Variants in SPMIP3 observed in about 807,000 individuals in gnomAD.
SPMIP3 encodes the protein sperm microtubule inner protein 3, also known as protein SPMIP3.
chr1:244,366,142 G>A, the SPMIP3 span, among the ~76,000 whole-genome samples: 2 of 152,054 alleles, frequency 1.3e-5, no homozygotes, highest in African/African-American at 4.8e-5. Flanking sequence ...TTGGCTTTGT[G>A]GCTTTGAGCA....
At chr1:244,373,335 TATA>T in the SPMIP3 span, among the ~76,000 whole-genome samples, 2 of 120,268 alleles carry the variant, frequency 1.7e-5, no homozygotes, top group East Asian at 2.6e-4. Flanking sequence ...AAAAAAATTA[TATA>T]TATATATATA....
chr1:244,381,183 G>A, the SPMIP3 span, among the ~76,000 whole-genome samples: 6 of 151,934 alleles, frequency 3.9e-5, no homozygotes, highest in East Asian at 1.2e-3. Context: ...AGAAGTTGCT[G>A]GGGGCTGAGG....
the SPMIP3 span, among the ~76,000 whole-genome samples, chr1:244,368,294 C>T: frequency 6.6e-6 from 1 of 152,182 alleles, no homozygotes; most frequent in African/African-American, 2.4e-5. Context: ...GCCTGTCTCA[C>T]CCCCTGGAAT....
chr1:244,385,824 G>A, the SPMIP3 span, among the ~76,000 whole-genome samples: 5 of 151,868 alleles, frequency 3.3e-5, no homozygotes, highest in Admixed American at 3.3e-4. Context: ...TTCTAAAATC[G>A]GTGCACAAGG....
chr1:244,379,119 G>A, the SPMIP3 span, among the ~76,000 whole-genome samples: 3 of 151,788 alleles, frequency 2.0e-5, no homozygotes, highest in Admixed American at 1.3e-4. Flanking sequence ...TAGTAGAGAC[G>A]GGGTTTCACC....
the SPMIP3 span, among the ~76,000 whole-genome samples, chr1:244,357,553 A>G: frequency 1.3e-5 from 2 of 151,908 alleles, no homozygotes; most frequent in African/African-American, 4.8e-5. Context: ...TACTAAAAAT[A>G]CAAAAATTAG....
At chr1:244,377,108 G>C in the SPMIP3 span, among the ~76,000 whole-genome samples, 1 of 148,698 alleles carries the variant, frequency 6.7e-6, no homozygotes, top group Non-Finnish European at 1.5e-5. Flanking sequence ...GCACCCAGTC[G>C]TACAGCATCA....
At chr1:244,389,416 G>T in the SPMIP3 span, 8 of 165,132 alleles carry the variant, frequency 4.8e-5, no homozygotes, top group Non-Finnish European at 9.3e-5. Flanking sequence ...GAACCGGGGG[G>T]ACATGGCCAA....
At chr1:244,389,265 T>G in the SPMIP3 span, 1 of 428,802 alleles carries the variant, frequency 2.3e-6, no homozygotes, top group Admixed American at 4.0e-5. Flanking sequence ...TTAAGAGAAC[T>G]TGAATTTAAG....
At chr1:244,380,987 GGAGCT>G in the SPMIP3 span, among the ~76,000 whole-genome samples, 1 of 152,032 alleles carries the variant, frequency 6.6e-6, no homozygotes, top group Non-Finnish European at 1.5e-5. Flanking sequence ...GATCACGGCG[GGAGCT>G]GAGGGGCTGG....
chr1:244,366,844 C>T, the SPMIP3 span, among the ~76,000 whole-genome samples: 1 of 152,228 alleles, frequency 6.6e-6, no homozygotes, highest in East Asian at 1.9e-4. Flanking sequence ...CGCACTACTG[C>T]ACTCCAGTGT....
At chr1:244,357,581 C>T in the SPMIP3 span, among the ~76,000 whole-genome samples, 11 of 151,516 alleles carry the variant, frequency 7.3e-5, no homozygotes, top group African/African-American at 2.4e-4. Context: ...TGGTAGAGCA[C>T]GCCTGTAATC....
At chr1:244,369,408 G>C in the SPMIP3 span, among the ~76,000 whole-genome samples, 1 of 152,336 alleles carries the variant, frequency 6.6e-6, no homozygotes, top group Middle Eastern at 3.4e-3. Context: ...AGAGGCAACT[G>C]TGTGGTCAGC....
chr1:244,362,742 A>C, the SPMIP3 span, among the ~76,000 whole-genome samples: 4 of 151,964 alleles, frequency 2.6e-5, no homozygotes, highest in Non-Finnish European at 5.9e-5. Context: ...TACATAATAG[A>C]TATGCAGAGT....
the SPMIP3 span, among the ~76,000 whole-genome samples, chr1:244,379,189 A>G: frequency 1.3e-5 from 2 of 150,342 alleles, no homozygotes; most frequent in Non-Finnish European, 2.9e-5. Context: ...AAGCCTCCCA[A>G]AGTGCTAGGA....
At chr1:244,368,947 C>G in the SPMIP3 span, among the ~76,000 whole-genome samples, 1 of 152,174 alleles carries the variant, frequency 6.6e-6, no homozygotes, top group Non-Finnish European at 1.5e-5. Flanking sequence ...ATCATGAGGT[C>G]AAAAGATTGA....
the SPMIP3 span, among the ~76,000 whole-genome samples, chr1:244,355,604 T>G: frequency 1.3e-5 from 2 of 152,192 alleles, no homozygotes; most frequent in Admixed American, 6.5e-5. Context: ...GCCAGGATGG[T>G]CTCGATCTCT....
chr1:244,367,892 C>T, the SPMIP3 span, among the ~76,000 whole-genome samples: 1 of 152,206 alleles, frequency 6.6e-6, no homozygotes, highest in Non-Finnish European at 1.5e-5. Flanking sequence ...AACTCCATTC[C>T]TCTCTCCCCT....
At chr1:244,372,931 C>T in the SPMIP3 span, among the ~76,000 whole-genome samples, 1 of 152,192 alleles carries the variant, frequency 6.6e-6, no homozygotes. Context: ...GGACACTTCC[C>T]TGTCTTTTAC....
Sources: gnomAD v4.1 joint callset for allele counts (sites outside exome capture counted in the v4.1 genomes callset) on GRCh38, gnomAD v4.1.1 for gene constraint, MANE v1.5 for transcripts, NCBI Gene and HGNC (gene_info 2026-07-23, HGNC 2026-07-21) for gene names.